Variants in RELN observed in about 807,000 individuals in gnomAD.
RELN encodes reelin.
Under a neutral mutation model 427.6 loss-of-function variants are expected in RELN, and 108 were observed. The ratio of observed to expected loss-of-function variants is 0.25; its 90% CI spans 0.22 to 0.30. The LOEUF (loss-of-function observed/expected upper bound fraction) is 0.30. RELN is among the 10% of genes least tolerant of loss of function. The pLI, the probability that RELN is intolerant of heterozygous loss-of-function variation, is 1.00. For synonymous variants in RELN, 1,524 were observed against 1,513.4 expected, an observed-to-expected ratio of 1.01 and a Z score of -0.16; for missense variants, 3,715 against 4,302.8, an observed-to-expected ratio of 0.86 and a Z score of 3.82.
intron 22 of RELN, among the ~76,000 whole-genome samples, chr7:103,604,826 T>A (rs919616416): frequency 8.6e-6 from 1 of 116,144 alleles, no homozygotes; most frequent in Non-Finnish European, 1.8e-5. Context: ...ACTGAACCTA[T>A]CTTTCTTTTT....
intron 38 of RELN, 48 bp downstream of exon 38, chr7:103,556,929 A>G: frequency 6.9e-7 from 1 of 1,455,326 alleles, no homozygotes; most frequent in African/African-American, 1.4e-5. Context: ...CAAATGTGTT[A>G]ACATGCCACT....
At chr7:103,808,165 C>G (rs1365866658) in intron 3 of RELN, among the ~76,000 whole-genome samples, 1 of 151,456 alleles carries the variant, frequency 6.6e-6, no homozygotes, top group Non-Finnish European at 1.5e-5. Flanking sequence ...AGGTAATCAG[C>G]CAAGTCAGAG....
chr7:103,539,079 A>G lies in RELN; in HGVS notation c.7179T>C (p.Tyr2393=), dbSNP rs1174232635. ...AASCSVTDSC[Y]AIELEYSVDL... ...TCTATCTGGAGACGGCATACTCACC[A>G]TAACAAGAGTCTGTGACTGAGCAGG... Residue 2393 remains tyrosine, a splice_region_variant and synonymous_variant, in exon 45 of 65, where the codon TAT becomes TAC. Transcript: ENST00000428762. 2 of 1,614,122 alleles carry G rather than the reference A, an allele frequency of 1.2e-6. No individual in the cohort carries two copies. Among genetic ancestry groups the G allele is most frequent in the South Asian group, 1.1e-5 (1 of 91,070 alleles).
In RELN at chr7:103,482,902, T is replaced by G. The variant is rs780392692; in HGVS notation, c.10251A>C (p.Gln3417His). ...CGACCTCCACATGGTCCAAAGCCCA[T>G]TGATCATGACCTGTTCCATTGTGGC... ...QPRHNGTGHD[Q>H]WALDHVEVVL... Residue 3417 changes from glutamine (Q) to histidine (H), a missense_variant, in exon 63 of 65, where the codon CAA becomes CAC. By Grantham distance (24) the Gln-to-His change is conservative. Coordinates refer to ENST00000428762, the MANE Select transcript of RELN (RefSeq NM_005045.4). 4.3e-6 allele frequency: 7 copies of G among 1,614,032 alleles called. No individual in the cohort carries two copies. In the African/African-American group the frequency reaches 9.3e-5, roughly 22 times the overall value.
Position 103,968,042 on chromosome 7 carries a change from T to C in RELN, c.226+21089A>G. ...TATAAAATATATTTTGTATATATAT[T>C]TATATATATGAATATATATATTTCT... On this transcript the variant is annotated intron_variant, in intron 1 of 64. Transcript: ENST00000428762. This position sits in a 1 kb window ranked among gnomAD's most constrained non-coding sequence, Gnocchi z 4.3. Among the ~76,000 whole-genome samples the C allele has an allele frequency of 6.7e-6, 1 of 148,714 alleles. No homozygotes were observed. Among genetic ancestry groups the C allele is most frequent in the Middle Eastern group, 3.6e-3 (1 of 280 alleles).
rs532344635 is a variant in RELN at position 103,616,511 on chromosome 7, T to G, written c.2703-4708A>C. Among the ~76,000 whole-genome samples the G allele has an allele frequency of 2.0e-5, 3 of 152,260 alleles. No individual in the cohort carries two copies. The East Asian group carries it at 5.8e-4, about 29-fold the overall frequency. On this transcript the variant is annotated intron_variant, in intron 20 of 64. Coordinates refer to ENST00000428762, the MANE Select transcript of RELN (RefSeq NM_005045.4). ...TATTATTTTAGTGGATTATAGAAAT[T>G]GTATACTTATTGGAAAAAACAACCC...
intron 11 of RELN, among the ~76,000 whole-genome samples, chr7:103,678,985 T>G (rs749450144): frequency 6.6e-6 from 1 of 152,230 alleles, no homozygotes; most frequent in Non-Finnish European, 1.5e-5. Context: ...TACTACCAAA[T>G]TTTTAATCTG....
intron 53 of RELN, among the ~76,000 whole-genome samples, chr7:103,499,873 A>G (rs907615078): frequency 3.3e-5 from 5 of 152,230 alleles, no homozygotes; most frequent in African/African-American, 1.2e-4. Flanking sequence ...AAGTTTATTA[A>G]TTACCTGTGG....
intron 2 of RELN, 127 bp from the exon 3 acceptor site, chr7:103,833,799 G>A: frequency 2.2e-6 from 2 of 900,296 alleles, no homozygotes; most frequent in Non-Finnish European, 3.5e-6. Context: ...TTCCCAATAA[G>A]TTATGTAATT....
intron 4 of RELN, among the ~76,000 whole-genome samples, chr7:103,768,325 G>A (rs1791476278): frequency 6.6e-6 from 1 of 151,810 alleles, no homozygotes; most frequent in South Asian, 2.1e-4. Flanking sequence ...AATGCAGATG[G>A]GCATGTGTTT....
At chr7:103,893,481 G>C (rs1028708120) in intron 2 of RELN, among the ~76,000 whole-genome samples, 5 of 152,132 alleles carry the variant, frequency 3.3e-5, no homozygotes, top group Non-Finnish European at 7.3e-5. Context: ...TGTTTCCTTA[G>C]CCAAATAAGG....
At chr7:103,856,590 AAAG>A (rs749482381) in intron 2 of RELN, among the ~76,000 whole-genome samples, 5,383 of 125,248 alleles carry the variant, frequency 0.043, 111 homozygotes, top group East Asian at 0.098. Context: ...AAAAAAAAAG[AAAG>A]AAAGAAAGAA....
chr7:103,547,060 A>T (rs1305900382), intron 41 of RELN, among the ~76,000 whole-genome samples: 1 of 152,174 alleles, frequency 6.6e-6, no homozygotes, highest in Non-Finnish European at 1.5e-5. Flanking sequence ...TTCAAAGAAG[A>T]CAGATTTATT....
intron 20 of RELN, among the ~76,000 whole-genome samples, chr7:103,618,340 C>T (rs1431909545): frequency 1.3e-5 from 2 of 152,214 alleles, no homozygotes; most frequent in Non-Finnish European, 2.9e-5. Flanking sequence ...GCTTCTCCCT[C>T]TGATAGCACC....
At position 103,894,109 on chromosome 7, in the gene RELN, A is replaced by G. The variant is rs1206848544; in HGVS notation, c.337+22966T>C. Among the ~76,000 whole-genome samples the G allele has an allele frequency of 5.3e-5, 8 of 152,252 alleles. No individual in the cohort carries two copies. In the South Asian group the frequency reaches 1.5e-3, roughly 28 times the overall value. On this transcript the variant is annotated intron_variant, in intron 2 of 64. Coordinates refer to ENST00000428762, the MANE Select transcript of RELN (RefSeq NM_005045.4). ...ATGTTACTGCTACAAAGTCTTCCTC[A>G]TGCATTTTCTTTTATTTCAAGAGAA...
chr7:103,853,508 A>C (rs1336082067), intron 2 of RELN, among the ~76,000 whole-genome samples: 1 of 151,982 alleles, frequency 6.6e-6, no homozygotes, highest in Non-Finnish European at 1.5e-5. Flanking sequence ...ATTTGTAATC[A>C]AAAATTGCTT....
intron 3 of RELN, among the ~76,000 whole-genome samples, chr7:103,789,889 T>C (rs914404066): frequency 1.3e-5 from 2 of 151,888 alleles, no homozygotes; most frequent in Non-Finnish European, 2.9e-5. Flanking sequence ...CACATGTATG[T>C]TTACTGCGGC....
chr7:103,902,346 A>C (rs1795101510), intron 2 of RELN, among the ~76,000 whole-genome samples: 1 of 152,118 alleles, frequency 6.6e-6, no homozygotes, highest in Non-Finnish European at 1.5e-5. Context: ...TATCTTTAAA[A>C]GAAAACTATT....
intron 2 of RELN, 86 bp downstream of exon 2, chr7:103,916,988 TA>T: frequency 2.0e-6 from 2 of 1,009,916 alleles, no homozygotes; most frequent in Non-Finnish European, 3.2e-6. Flanking sequence ...AATAAAGGTC[TA>T]ACACTGTTAA....
Sources: gnomAD v4.1 joint callset for allele counts (sites outside exome capture counted in the v4.1 genomes callset) on GRCh38, gnomAD v4.1.1 for gene constraint, Gnocchi (gnomAD v3.1) non-coding constraint, MANE v1.5 for transcripts, NCBI Gene and HGNC (gene_info 2026-07-23, HGNC 2026-07-21) for gene names.